Variants in MSI2 observed in about 807,000 individuals in gnomAD.
MSI2 encodes the protein RNA-binding protein Musashi homolog 2.
Under a neutral mutation model 45.6 loss-of-function variants are expected in MSI2, and 17 were observed. The ratio of observed to expected loss-of-function variants is 0.37; its 90% CI spans 0.26 to 0.56. The LOEUF is 0.56. Among genes scored for constraint, MSI2 ranks in the 20% least tolerant of loss-of-function variants. The pLI is 0.77. For synonymous variants in MSI2, 156 were observed against 158.2 expected (o/e 0.99, Z 0.11); for missense variants, 293 against 444.2 (o/e 0.66, Z 3.06).
intron 11 of MSI2, among the ~76,000 whole-genome samples, chr17:57,666,069 T>C (rs1050748923): frequency 6.6e-6 from 1 of 152,178 alleles, no homozygotes; most frequent in Non-Finnish European, 1.5e-5. Context: ...TCCAAGCCCT[T>C]AGGAGCTTCT....
At chr17:57,602,645 A>T (rs984076281) in intron 8 of MSI2, among the ~76,000 whole-genome samples, 1 of 152,152 alleles carries the variant, frequency 6.6e-6, no homozygotes, top group African/African-American at 2.4e-5. Flanking sequence ...ATCAGCCACT[A>T]CACCTGGCTA....
chr17:57,581,001 C>T (rs965580081), intron 7 of MSI2, among the ~76,000 whole-genome samples: 1 of 75,216 alleles, frequency 1.3e-5, no homozygotes, highest in Admixed American at 1.6e-4. Flanking sequence ...ATGAGGTCAG[C>T]ATCTTTTTTT....
chr17:57,352,747 A>G (rs1004308355), intron 5 of MSI2, among the ~76,000 whole-genome samples: 1 of 151,702 alleles, frequency 6.6e-6, no homozygotes, highest in African/African-American at 2.4e-5. Flanking sequence ...CTTATGTTCA[A>G]GCTTCTTGGT....
chr17:57,431,439 T>C lies in MSI2; in HGVS notation c.405+29968T>C, dbSNP rs116346213. On this transcript the variant is annotated intron_variant, in intron 6 of 13. Transcript: ENST00000284073. ...CCTTGCATTGTGAGTGTCCATGCTT[T>C]CCTTTGAATTTACAGGGAGAGGCAG... 5.5e-3 allele frequency among the ~76,000 whole-genome samples: 840 copies of C among 152,336 alleles called. 9 individuals carry two copies. The highest frequency in any genetic ancestry group is 0.019 in the African/African-American group (798 of 41,566).
intron 7 of MSI2, among the ~76,000 whole-genome samples, chr17:57,544,298 G>C (rs559512012): frequency 6.6e-6 from 1 of 152,156 alleles, no homozygotes; most frequent in Non-Finnish European, 1.5e-5. Flanking sequence ...TTTAGTGTGG[G>C]ACTAATTAAA....
At chr17:57,578,161 A>G (rs2088101348) in intron 7 of MSI2, among the ~76,000 whole-genome samples, 1 of 152,198 alleles carries the variant, frequency 6.6e-6, no homozygotes, top group Non-Finnish European at 1.5e-5. Flanking sequence ...ATATCTATAT[A>G]TTAAAGCTTT....
intron 5 of MSI2, among the ~76,000 whole-genome samples, chr17:57,317,096 G>T (rs1438990180): frequency 6.6e-6 from 1 of 152,152 alleles, no homozygotes; most frequent in Admixed American, 6.5e-5. Flanking sequence ...CAGAGGCCAT[G>T]CATGCCACCT....
At chr17:57,354,602 G>A (rs917754368) in intron 5 of MSI2, among the ~76,000 whole-genome samples, 2 of 152,128 alleles carry the variant, frequency 1.3e-5, no homozygotes, top group Admixed American at 6.6e-5. Context: ...TTTAGGTGAG[G>A]CAGCAGCAGA....
downstream of MSI2, among the ~76,000 whole-genome samples, chr17:57,687,008 C>CG (rs986136642): frequency 9.5e-5 from 14 of 147,500 alleles, no homozygotes; most frequent in Non-Finnish European, 1.5e-4. Flanking sequence ...GCCAGCAGCC[C>CG]CCCCCCCAAA....
intron 6 of MSI2, among the ~76,000 whole-genome samples, chr17:57,500,696 G>C (rs1229948773): frequency 6.6e-6 from 1 of 151,336 alleles, no homozygotes; most frequent in Non-Finnish European, 1.5e-5. Context: ...AGACTAGCCA[G>C]GTGTGGTGGC....
chr17:57,444,077 G>T (rs771551429), intron 6 of MSI2, among the ~76,000 whole-genome samples: 5 of 152,082 alleles, frequency 3.3e-5, no homozygotes, highest in African/African-American at 1.2e-4. Context: ...GCTGACTTCT[G>T]CCCCATTCCC....
At chr17:57,575,878 G>T (rs1229638421) in intron 7 of MSI2, among the ~76,000 whole-genome samples, 1 of 147,912 alleles carries the variant, frequency 6.8e-6, no homozygotes, top group Non-Finnish European at 1.5e-5. Context: ...CCAGGAGGCG[G>T]AGCTTGCAGT....
intron 5 of MSI2, among the ~76,000 whole-genome samples, chr17:57,331,398 G>A (rs964825846): frequency 3.3e-5 from 5 of 152,106 alleles, no homozygotes; most frequent in African/African-American, 1.2e-4. Context: ...TGGGAGCTTG[G>A]GTTTTCAGTA....
At chr17:57,446,825 C>T (rs1474725298) in intron 6 of MSI2, among the ~76,000 whole-genome samples, 1 of 152,202 alleles carries the variant, frequency 6.6e-6, no homozygotes, top group Admixed American at 6.5e-5. Flanking sequence ...ACAAAAGGCA[C>T]AGTGTGTTAG....
At chr17:57,510,448 AC>A (rs895611821) in intron 6 of MSI2, among the ~76,000 whole-genome samples, 3 of 150,038 alleles carry the variant, frequency 2.0e-5, no homozygotes, top group African/African-American at 7.4e-5. Context: ...TTTTCTGGAG[AC>A]AGAGTTTTGC....
intron 7 of MSI2, among the ~76,000 whole-genome samples, chr17:57,547,747 C>T (rs2087203393): frequency 2.1e-5 from 2 of 94,560 alleles, no homozygotes; most frequent in African/African-American, 9.4e-5. Context: ...AAAGTACACA[C>T]ACACACACAC....
chr17:57,271,382 AG>A (rs1254513981), intron 5 of MSI2, among the ~76,000 whole-genome samples: 2 of 152,274 alleles, frequency 1.3e-5, no homozygotes, highest in East Asian at 1.9e-4. Flanking sequence ...TGAGCAGCCA[AG>A]GAGCGGGGGT....
intron 5 of MSI2, 66 bp downstream of exon 5, chr17:57,262,258 A>C: frequency 1.3e-6 from 2 of 1,545,708 alleles, no homozygotes; most frequent in Non-Finnish European, 1.8e-6. Context: ...TTCAAATTTC[A>C]AACAGCATTG....
intron 7 of MSI2, among the ~76,000 whole-genome samples, chr17:57,565,539 A>G (rs1209466852): frequency 6.6e-6 from 1 of 152,158 alleles, no homozygotes; most frequent in East Asian, 1.9e-4. Context: ...GCAGACAGTC[A>G]TCCTTCCTTT....
Sources: allele counts gnomAD v4.1 joint callset (sites outside exome capture counted in the v4.1 genomes callset), GRCh38; gene constraint gnomAD v4.1.1; transcripts MANE v1.5; gene names NCBI Gene and HGNC (gene_info 2026-07-23, HGNC 2026-07-21).